ZNF365: variants seen among roughly 807,000 people sequenced by gnomAD.
The protein encoded by ZNF365 is zinc finger protein 365.
In ZNF365, 22 loss-of-function variants were observed where a neutral mutation model predicts 35.0. That is an observed-to-expected ratio of 0.63 (90% confidence interval 0.45 to 0.90). The LOEUF is 0.90. Among genes scored for constraint, ZNF365 ranks in the 40% least tolerant of loss-of-function variants. ZNF365 has a pLI of 0.00. For missense variants in ZNF365, 448 were observed against 500.3 expected (o/e 0.90, Z 1.00); for synonymous variants, 188 against 196.2 (o/e 0.96, Z 0.35).
At chr10:62,418,781 C>T (rs909829582) in intron 3 of ZNF365, among the ~76,000 whole-genome samples, 1 of 152,040 alleles carries the variant, frequency 6.6e-6, no homozygotes, top group Non-Finnish European at 1.5e-5. Flanking sequence ...GCATCTTCCT[C>T]AAAGGGCAAT....
chr10:62,400,002 A>G lies in ZNF365; in HGVS notation c.*213A>G. On this transcript the variant is annotated 3_prime_UTR_variant, in exon 5 of 5. Coordinates refer to ENST00000395254, the MANE Select transcript of ZNF365 (RefSeq NM_014951.3). The stretch of plus-strand genomic sequence containing the variant: ...TATAACCCCCTTTTAGAAGCTTGCA[A>G]ATTACAGAAAGAATAAAAAAATTAA... 1 of 1,330,250 alleles carries G rather than the reference A, an allele frequency of 7.5e-7. No individual in the cohort carries two copies. Among genetic ancestry groups the G allele is most frequent in the Non-Finnish European group, 9.6e-7 (1 of 1,043,220 alleles). The allele number at this position is 1,330,250 out of a possible 1,614,324, so 82.4% of individuals were successfully genotyped here.
At chr10:62,449,809 G>A (rs1481088871) in intron 3 of ZNF365, among the ~76,000 whole-genome samples, 14 of 143,568 alleles carry the variant, frequency 9.8e-5, no homozygotes, top group South Asian at 6.4e-4. Context: ...GTCTTAGCCT[G>A]GTTCATTTTT....
chr10:62,416,421 G>A (rs757667619), intron 3 of ZNF365, among the ~76,000 whole-genome samples: 9 of 152,074 alleles, frequency 5.9e-5, no homozygotes, highest in Non-Finnish European at 1.3e-4. Flanking sequence ...CATGTGAAAT[G>A]TTCCCATGTT....
intron 3 of ZNF365, among the ~76,000 whole-genome samples, chr10:62,419,494 G>GAAAAAAAAAAAA (rs751316684): frequency 8.0e-6 from 1 of 124,914 alleles, no homozygotes. Context: ...GTTTTTAAAG[G>GAAAAAAAAAAAA]AAAAAAAAAA....
chr10:62,402,227 T>A lies in ZNF365; in HGVS notation c.*2438T>A, dbSNP rs921096145. 1 of 985,964 alleles carries A rather than the reference T, an allele frequency of 1.0e-6. No homozygotes were observed. Among genetic ancestry groups the A allele is most frequent in the Non-Finnish European group, 1.2e-6 (1 of 829,924 alleles). The allele number at this position is 985,964 out of a possible 1,614,324, so 61.1% of individuals were successfully genotyped here. A position where few individuals can be genotyped will look rare whatever the true frequency, so the allele number is the denominator to read the frequency against. On this transcript the variant is annotated 3_prime_UTR_variant, in exon 5 of 5. Transcript: ENST00000395254. ...TGGAGAGTAGATTTAATTTTATTTG[T>A]CTTGTAGGGAAGAAATCTTCCTTTG... is the stretch of plus-strand genomic sequence containing the variant.
At chr10:62,383,880 C>T (rs563365736) in intron 2 of ZNF365, among the ~76,000 whole-genome samples, 1 of 152,288 alleles carries the variant, frequency 6.6e-6, no homozygotes, top group African/African-American at 2.4e-5. Flanking sequence ...GAAGGTTTGG[C>T]TCTCTGGAAA....
chr10:62,440,285 A>G (rs1216098725), intron 3 of ZNF365, among the ~76,000 whole-genome samples: 2 of 145,714 alleles, frequency 1.4e-5, no homozygotes, highest in African/African-American at 5.1e-5. Context: ...GGTTTGTTAC[A>G]TAGGTAAACT....
chr10:62,411,290 C>T (rs139430416), intron 3 of ZNF365, among the ~76,000 whole-genome samples: 4 of 152,168 alleles, frequency 2.6e-5, no homozygotes, highest in African/African-American at 9.6e-5. Flanking sequence ...TATCAGATTC[C>T]ACATGTCAAT....
intron 3 of ZNF365, among the ~76,000 whole-genome samples, chr10:62,445,909 T>C (rs1012103037): frequency 2.0e-5 from 3 of 152,202 alleles, no homozygotes; most frequent in Non-Finnish European, 4.4e-5. Flanking sequence ...GCATCTTCTA[T>C]TGACTGTAGT....
In ZNF365 at chr10:62,401,148, AAC is replaced by A. The variant is rs1839821468; in HGVS notation, c.*1363_*1364del. The A allele has an allele frequency of 1.0e-6, 1 of 955,818 alleles. No individual in the cohort carries two copies. The highest frequency in any genetic ancestry group is 1.8e-5 in the African/African-American group (1 of 56,594). 59.2% of individuals were successfully genotyped at this position (955,818 alleles called of 1,614,324 possible). A position where few individuals can be genotyped will look rare whatever the true frequency, so the allele number is the denominator to read the frequency against. On this transcript the variant is annotated 3_prime_UTR_variant, in exon 5 of 5. Transcript: ENST00000395254. ...AATATATACATATATACATATATATAACACATACAAAATATATATGTTAAGTA... is the reference window on the plus strand; with the variant it reads ...AATATATACATATATACATATATATAACATACAAAATATATATGTTAAGTA...
At chr10:62,440,067 C>T (rs989271291) in intron 3 of ZNF365, among the ~76,000 whole-genome samples, 2 of 152,152 alleles carry the variant, frequency 1.3e-5, no homozygotes, top group African/African-American at 2.4e-5. Context: ...GAATAAGGAA[C>T]TTTGCCTATG....
At chr10:62,451,270 C>G (rs889605521) in intron 3 of ZNF365, among the ~76,000 whole-genome samples, 2 of 152,130 alleles carry the variant, frequency 1.3e-5, no homozygotes, top group Non-Finnish European at 2.9e-5. Flanking sequence ...CATTTTCCAT[C>G]CTTCTTCAAT....
At chr10:62,382,769 G>C (rs1589427174) in intron 2 of ZNF365, among the ~76,000 whole-genome samples, 2 of 152,302 alleles carry the variant, frequency 1.3e-5, no homozygotes, top group East Asian at 3.9e-4. Context: ...GCTCGGAGGT[G>C]GTCGACTCCT....
At chr10:62,413,564 G>C (rs1173416432) in intron 3 of ZNF365, among the ~76,000 whole-genome samples, 1 of 152,100 alleles carries the variant, frequency 6.6e-6, no homozygotes, top group Non-Finnish European at 1.5e-5. Flanking sequence ...ATTCACAACT[G>C]TCTGCCAGAG....
At chr10:62,420,621 C>T (rs540491218) in intron 3 of ZNF365, among the ~76,000 whole-genome samples, 1 of 152,188 alleles carries the variant, frequency 6.6e-6, no homozygotes, top group South Asian at 2.1e-4. Flanking sequence ...CCTCTAAGTT[C>T]TTGGCCTGGA....
At chr10:62,420,188 C>CT (rs1840144498) in intron 3 of ZNF365, among the ~76,000 whole-genome samples, 1 of 152,040 alleles carries the variant, frequency 6.6e-6, no homozygotes, top group Non-Finnish European at 1.5e-5. Context: ...TACAATTTTC[C>CT]TTTTTTGTAT....
intron 3 of ZNF365, among the ~76,000 whole-genome samples, chr10:62,397,390 T>A (rs567815333): frequency 6.6e-6 from 1 of 152,284 alleles, no homozygotes; most frequent in Non-Finnish European, 1.5e-5. Flanking sequence ...GGGACATATA[T>A]CTTGGCCACA....
chr10:62,438,434 C>T (rs1196272509), intron 3 of ZNF365, among the ~76,000 whole-genome samples: 4 of 152,008 alleles, frequency 2.6e-5, no homozygotes, highest in East Asian at 1.9e-4. Flanking sequence ...GTGATACACC[C>T]GCGTTGGCCT....
chr10:62,440,497 T>C (rs1840481853), intron 3 of ZNF365, among the ~76,000 whole-genome samples: 1 of 152,308 alleles, frequency 6.6e-6, no homozygotes, highest in East Asian at 1.9e-4. Context: ...TATCTTTATG[T>C]CTACCAGCAC....
Sources: gnomAD v4.1 joint callset for allele counts (sites outside exome capture counted in the v4.1 genomes callset) on GRCh38, gnomAD v4.1.1 for gene constraint, MANE v1.5 for transcripts, NCBI Gene and HGNC (gene_info 2026-07-23, HGNC 2026-07-21) for gene names.